Variants in MICALL1 observed in about 807,000 individuals in gnomAD.
MICALL1 encodes the protein MICAL like 1.
A neutral mutation model predicts 83.7 loss-of-function variants in MICALL1; 61 were observed. The observed-to-expected ratio is 0.73, with a 90% confidence interval of 0.59 to 0.90. The LOEUF (loss-of-function observed/expected upper bound fraction) is 0.90. Ranked by LOEUF, MICALL1 falls within the 40% of genes least tolerant of loss-of-function variation. The pLI, the probability that MICALL1 is intolerant of heterozygous loss-of-function variation, is 0.00. For missense variants in MICALL1, 1,066 were observed against 1,152.0 expected, an observed-to-expected ratio of 0.93 and a Z score of 1.08; for synonymous variants, 481 against 473.6, an observed-to-expected ratio of 1.02 and a Z score of -0.20.
chr22:37,917,895 C>A, intron 4 of MICALL1, 100 bp downstream of exon 4: 1 of 1,069,098 alleles, frequency 9.4e-7, no homozygotes, highest in Non-Finnish European at 1.4e-6. Flanking sequence ...GGAAGTTAGC[C>A]CTGACAGTGT....
chr22:37,940,410 G>A (rs1390684659), intron 15 of MICALL1, among the ~76,000 whole-genome samples: 3 of 151,830 alleles, frequency 2.0e-5, no homozygotes, highest in African/African-American at 7.3e-5. Context: ...GCGACAAAGC[G>A]ACTCAGTCTC....
rs1367448718 is a variant in MICALL1, at chr22:37,932,755, G to T, written c.2144-43G>T. The stretch of plus-strand genomic sequence containing the variant: ...TCTATTCCCCGGGGAACTGAGCCAG[G>T]CATGGCAGCCAGCCCTGGCCTCAGT... On this transcript the variant is annotated intron_variant, in intron 11 of 15. Transcript: ENST00000215957. This position sits in a 1 kb window ranked among gnomAD's most constrained non-coding sequence, Gnocchi z 4.4. 6 of 1,613,576 alleles carry T rather than the reference G, an allele frequency of 3.7e-6. No homozygotes were observed. Among genetic ancestry groups the T allele is most frequent in the Non-Finnish European group, 5.1e-6 (6 of 1,179,762 alleles).
intron 5 of MICALL1, among the ~76,000 whole-genome samples, chr22:37,919,941 C>T (rs766946346): frequency 7.9e-5 from 12 of 151,972 alleles, no homozygotes; most frequent in East Asian, 3.9e-4. Context: ...GAGCTGAGAT[C>T]GCACCTTTGC....
At position 37,922,338 on chromosome 22, in the gene MICALL1, C is replaced by T. The variant is rs1929097633; in HGVS notation, c.936C>T (p.Thr312=). 6.6e-7 allele frequency: 1 copy of T among 1,522,356 alleles called. No homozygotes were observed. Among genetic ancestry groups the T allele is most frequent in the Non-Finnish European group, 8.8e-7 (1 of 1,136,176 alleles). 94.3% of individuals were successfully genotyped at this position (1,522,356 alleles called of 1,614,324 possible). The change falls in exon 6 of 16, where the codon ACC becomes ACT. Residue 312 remains threonine, a synonymous_variant. Transcript: ENST00000215957. ...TPAPRKASES[T]TPAPPTPRPR... ...CCCCCAGGAAGGCCTCTGAGAGCAC[C>T]ACCCCAGCACCCCCCACGCCCCGGC... is the stretch of plus-strand genomic sequence containing the variant.
chr22:37,920,841 G>T (rs575235307), intron 5 of MICALL1, among the ~76,000 whole-genome samples: 1 of 151,826 alleles, frequency 6.6e-6, no homozygotes, highest in Non-Finnish European at 1.5e-5. Flanking sequence ...CAGGAGAATG[G>T]TGTGAACCTG....
chr22:37,925,531 T>TG (rs1250183953), intron 7 of MICALL1, 130 bp from the exon 8 acceptor site: 7 of 638,836 alleles, frequency 1.1e-5, no homozygotes, highest in Non-Finnish European at 1.9e-5. Flanking sequence ...CCCATGGGGA[T>TG]GGGGGTGGGA....
At chr22:37,926,107 A>C in intron 8 of MICALL1, 64 bp downstream of exon 8, 5 of 984,754 alleles carry the variant, frequency 5.1e-6, no homozygotes, top group Non-Finnish European at 7.4e-6. Context: ...GGGCCTGGGG[A>C]GGGGGTGTGG....
At chr22:37,925,439 G>C (rs1929358151) in intron 7 of MICALL1, among the ~76,000 whole-genome samples, 2 of 152,114 alleles carry the variant, frequency 1.3e-5, no homozygotes, top group Admixed American at 6.6e-5. Context: ...CCTGGGCTGG[G>C]TTAACAGCAG....
At chr22:37,921,951 C>A in intron 5 of MICALL1, 21 bp from the exon 6 acceptor site, 26 of 1,541,210 alleles carry the variant, frequency 1.7e-5, no homozygotes, top group Non-Finnish European at 2.3e-5. Flanking sequence ...CTAAGTGAAC[C>A]CCTGTCCTGT....
intron 13 of MICALL1, among the ~76,000 whole-genome samples, chr22:37,934,973 C>T (rs1389732415): frequency 6.7e-6 from 1 of 150,232 alleles, no homozygotes; most frequent in African/African-American, 2.5e-5. Flanking sequence ...ACTCTGTTGC[C>T]CAGGCTGGAG....
At position 37,922,399 on chromosome 22, in the gene MICALL1, C is replaced by T; in HGVS notation, c.997C>T (p.Gln333Ter). ...TCTGCAGCAGGAGAACCTGGTGGAG[C>T]AGGCTGGCAGCAGCAGCCTGGTGAA... ...SSLQQENLVE[Q>*]AGSSSLVNGR... Residue 333 changes from glutamine to a stop codon, truncating the protein, a stop_gained, in exon 6 of 16, where the codon CAG (glutamine) becomes TAG (stop). Coordinates refer to ENST00000215957, the MANE Select transcript of MICALL1 (RefSeq NM_033386.4). LOFTEE classifies it high-confidence loss of function. 2 of 1,533,168 alleles carry T rather than the reference C, an allele frequency of 1.3e-6. No homozygotes were observed. The highest frequency in any genetic ancestry group is 1.7e-6 in the Non-Finnish European group (2 of 1,143,390). 95.0% of individuals were successfully genotyped at this position (1,533,168 alleles called of 1,614,324 possible). A position where few individuals can be genotyped will look rare whatever the true frequency, so the allele number is the denominator to read the frequency against.
chr22:37,931,156 G>A (rs1929764312), intron 9 of MICALL1, among the ~76,000 whole-genome samples: 2 of 152,236 alleles, frequency 1.3e-5, no homozygotes. Flanking sequence ...TGGGAAGTGT[G>A]TGGCCGTGAG....
intron 5 of MICALL1, among the ~76,000 whole-genome samples, chr22:37,920,397 T>G: frequency 6.6e-6 from 1 of 151,208 alleles, no homozygotes; most frequent in Admixed American, 6.6e-5. Context: ...AGAATTGGGG[T>G]GTCATGGGGA....
At position 37,923,633 on chromosome 22, in the gene MICALL1, G is replaced by A. The variant is rs5995521; in HGVS notation, c.1025-1027G>A. 6.6e-3 allele frequency among the ~76,000 whole-genome samples: 1,004 copies of A among 152,226 alleles called. 11 individuals carry two copies. Among genetic ancestry groups the A allele is most frequent in the African/African-American group, 0.023 (941 of 41,528 alleles). On this transcript the variant is annotated intron_variant, in intron 6 of 15. Transcript: ENST00000215957. ...TGCAAACAATACAGACCCAGGCCCC[G>A]CCCTTACACTGCCTCCCTCTGCATG...
At chr22:37,912,920 C>T (rs1374468733) in intron 3 of MICALL1, among the ~76,000 whole-genome samples, 2 of 151,286 alleles carry the variant, frequency 1.3e-5, no homozygotes, top group East Asian at 3.9e-4. Context: ...CTTGGCCTCC[C>T]CAAGTGCTGG....
chr22:37,932,686 G>T lies in MICALL1; in HGVS notation c.2143+7G>T. On this transcript the variant is annotated splice_region_variant and intron_variant, in intron 11 of 15. Transcript: ENST00000215957. This position sits in a 1 kb window ranked among gnomAD's most constrained non-coding sequence, Gnocchi z 4.4. ...CTGCGTGGCGGCCTGAATGGTGCGGGAGCGGCTGGGAGGGCCTGCTGGGTG... is the reference window on the plus strand; with the variant it reads ...CTGCGTGGCGGCCTGAATGGTGCGGTAGCGGCTGGGAGGGCCTGCTGGGTG... The T allele has an allele frequency of 6.2e-7, 1 of 1,613,250 alleles. No homozygotes were observed. Among genetic ancestry groups the T allele is most frequent in the South Asian group, 1.1e-5 (1 of 91,026 alleles).
At chr22:37,910,517 A>C (rs1487240715) in intron 1 of MICALL1, among the ~76,000 whole-genome samples, 1 of 152,098 alleles carries the variant, frequency 6.6e-6, no homozygotes, top group Non-Finnish European at 1.5e-5. Context: ...CTAAGGTCGC[A>C]CTCTGAGGCA....
intron 3 of MICALL1, among the ~76,000 whole-genome samples, chr22:37,914,661 G>T (rs933244436): frequency 6.7e-6 from 1 of 150,322 alleles, no homozygotes. Flanking sequence ...TTTGAGACAG[G>T]GTTTTACTCT....
intron 1 of MICALL1, among the ~76,000 whole-genome samples, chr22:37,911,675 C>T (rs1450875806): frequency 6.6e-6 from 1 of 152,198 alleles, no homozygotes; most frequent in Non-Finnish European, 1.5e-5. Flanking sequence ...GCTTGAGCCT[C>T]ACCCCTTCCC....
Sources: allele counts gnomAD v4.1 joint callset (sites outside exome capture counted in the v4.1 genomes callset), GRCh38; gene constraint gnomAD v4.1.1; non-coding constraint Gnocchi (gnomAD v3.1); transcripts MANE v1.5; gene names NCBI Gene and HGNC (gene_info 2026-07-23, HGNC 2026-07-21).